SSBP3: variants seen among roughly 807,000 people sequenced by gnomAD.
SSBP3 encodes the protein single-stranded DNA-binding protein 3.
SSBP3 carries 5 observed loss-of-function variants against 69.6 expected under a neutral mutation model. The observed-to-expected ratio is 0.07, with a 90% CI of 0.04 to 0.15. The LOEUF (loss-of-function observed/expected upper bound fraction) is 0.15, where lower values mean the gene tolerates loss of function less well. Among genes scored for constraint, SSBP3 ranks in the 10% least tolerant of loss-of-function variants. The pLI, the probability that SSBP3 is intolerant of heterozygous loss-of-function variation, is 1.00. For synonymous variants in SSBP3, 196 were observed against 193.4 expected, an observed-to-expected ratio of 1.01 and a Z score of -0.11; for missense variants, 312 against 534.0, an observed-to-expected ratio of 0.58 and a Z score of 4.10.
At chr1:54,359,699 G>GT (rs1422966811) in intron 4 of SSBP3, among the ~76,000 whole-genome samples, 1 of 152,174 alleles carries the variant, frequency 6.6e-6, no homozygotes, top group Non-Finnish European at 1.5e-5. Context: ...AAGCTGTTAT[G>GT]TAAAAACTCC....
At chr1:54,234,052 A>C (rs895205720) in intron 14 of SSBP3, among the ~76,000 whole-genome samples, 56 of 151,484 alleles carry the variant, frequency 3.7e-4, no homozygotes, top group Non-Finnish European at 7.2e-4. Flanking sequence ...CTTACCCCCA[A>C]CCCTGTGCTC....
intron 4 of SSBP3, among the ~76,000 whole-genome samples, chr1:54,350,901 T>C (rs1249678350): frequency 1.3e-5 from 2 of 152,008 alleles, no homozygotes; most frequent in African/African-American, 2.4e-5. Context: ...AGTGGTGCAA[T>C]CATAGCCTCA....
At position 54,316,697 on chromosome 1, in the gene SSBP3, T is replaced by TA. The variant is rs1316282880; in HGVS notation, c.277-35171dup. ...ATAAATAAATAAATAAATAAATAAA[T>TA]AAATAAATAAATAAAATAAAATAAA... On this transcript the variant is annotated intron_variant, in intron 4 of 17. Transcript: ENST00000610401. 1.9e-4 allele frequency among the ~76,000 whole-genome samples: 23 copies of TA among 124,082 alleles called. 1 individual carries two copies. The highest frequency in any genetic ancestry group is 7.8e-4 in the African/African-American group (20 of 25,706). The allele number at this position is 124,082 out of a possible 152,430, so 81.4% of individuals were successfully genotyped here.
At chr1:54,255,515 A>G (rs1644905720) in intron 7 of SSBP3, 1 of 152,210 alleles carries the variant, frequency 6.6e-6, no homozygotes, top group Admixed American at 6.5e-5. Context: ...AAAGGGGTGG[A>G]GTAGAGTACA....
At chr1:54,255,666 C>T (rs1644908677) in intron 7 of SSBP3, 1 of 152,136 alleles carries the variant, frequency 6.6e-6, no homozygotes, top group South Asian at 2.1e-4. Flanking sequence ...TCTCTAATTC[C>T]TCTTGTCCAA....
chr1:54,369,906 C>T (rs1367830242), intron 4 of SSBP3, among the ~76,000 whole-genome samples: 4 of 152,188 alleles, frequency 2.6e-5, no homozygotes, highest in Admixed American at 1.3e-4. Context: ...CTCTCGGGAT[C>T]CCCATGTCCC....
intron 5 of SSBP3, among the ~76,000 whole-genome samples, chr1:54,262,827 T>C (rs1645038872): frequency 6.6e-6 from 1 of 152,146 alleles, no homozygotes; most frequent in African/African-American, 2.4e-5. Context: ...GACCAAGCCC[T>C]GGGGTAGACC....
chr1:54,404,808 TGG>T (rs147574789), intron 2 of SSBP3, 48 bp downstream of exon 2: 7,024 of 625,444 alleles, frequency 0.011, 6 homozygotes, highest in African/African-American at 0.021. Context: ...CTAAGAATAG[TGG>T]GGGGGGGGGG....
chr1:54,379,299 T>C (rs1178173667), intron 4 of SSBP3, among the ~76,000 whole-genome samples: 1 of 152,180 alleles, frequency 6.6e-6, no homozygotes, highest in Non-Finnish European at 1.5e-5. Flanking sequence ...GTGTGGCCTT[T>C]TTCTGTTTTC....
At chr1:54,231,610 G>A (rs1163844289) in intron 14 of SSBP3, among the ~76,000 whole-genome samples, 2 of 152,192 alleles carry the variant, frequency 1.3e-5, no homozygotes, top group East Asian at 3.8e-4. Context: ...AGGTCATGAA[G>A]ATTTACTCCT....
At chr1:54,399,769 A>G (rs560449137) in intron 4 of SSBP3, among the ~76,000 whole-genome samples, 10 of 152,302 alleles carry the variant, frequency 6.6e-5, no homozygotes, top group Non-Finnish European at 1.3e-4. Context: ...CTGGAGAAAG[A>G]CAAAAAGAAA....
chr1:54,302,643 G>A (rs1645823732), intron 4 of SSBP3, among the ~76,000 whole-genome samples: 2 of 152,154 alleles, frequency 1.3e-5, no homozygotes. Flanking sequence ...TGCCTCCCCA[G>A]TAACTGACAC....
chr1:54,376,470 G>T (rs1330066120), intron 4 of SSBP3, among the ~76,000 whole-genome samples: 5 of 152,176 alleles, frequency 3.3e-5, no homozygotes, highest in Admixed American at 2.6e-4. Context: ...AAGACACGCT[G>T]CCTGCTCTGA....
At chr1:54,405,341 G>C in intron 1 of SSBP3, 1 of 226,298 alleles carries the variant, frequency 4.4e-6, no homozygotes, top group Non-Finnish European at 8.9e-6. Context: ...TCTGGAGAGG[G>C]CAGCAAAGCG....
chr1:54,351,162 CAGA>C (rs776565745), intron 4 of SSBP3, among the ~76,000 whole-genome samples: 3 of 152,042 alleles, frequency 2.0e-5, no homozygotes, highest in Non-Finnish European at 2.9e-5. Flanking sequence ...ATTTTCTGAC[CAGA>C]AGAAGATGAT....
intron 4 of SSBP3, among the ~76,000 whole-genome samples, chr1:54,348,909 C>T (rs1646735069): frequency 2.0e-5 from 3 of 152,282 alleles, no homozygotes; most frequent in East Asian, 3.9e-4. Flanking sequence ...AAAATTAGGC[C>T]GGTAAAGCCT....
chr1:54,303,216 G>T (rs1430221473), intron 4 of SSBP3, among the ~76,000 whole-genome samples: 1 of 152,226 alleles, frequency 6.6e-6, no homozygotes, highest in African/African-American at 2.4e-5. Context: ...AGATGAGCTT[G>T]GGGTGGGGGC....
intron 4 of SSBP3, among the ~76,000 whole-genome samples, chr1:54,384,673 G>A (rs1647947369): frequency 6.6e-6 from 1 of 152,246 alleles, no homozygotes; most frequent in African/African-American, 2.4e-5. Flanking sequence ...CAGAGAGCTG[G>A]CCCTTCTCTA....
intron 4 of SSBP3, among the ~76,000 whole-genome samples, chr1:54,378,788 C>T (rs1414067640): frequency 1.3e-5 from 2 of 151,974 alleles, no homozygotes; most frequent in African/African-American, 2.4e-5. Flanking sequence ...GAGGGGAGGC[C>T]GCAGAGCTGG....
Sources: allele counts gnomAD v4.1 joint callset (sites outside exome capture counted in the v4.1 genomes callset), GRCh38; gene constraint gnomAD v4.1.1; transcripts MANE v1.5; gene names NCBI Gene and HGNC (gene_info 2026-07-23, HGNC 2026-07-21).